The following ARHGAP10 variants were observed in gnomAD, a reference collection of about 807,000 sequenced individuals.
ARHGAP10 encodes the protein rho GTPase-activating protein 10.
Under a neutral mutation model 108.6 loss-of-function variants are expected in ARHGAP10, and 87 were observed. The ratio of observed to expected loss-of-function variants is 0.80; its 90% CI spans 0.67 to 0.96. The LOEUF is 0.96. Among genes scored for constraint, ARHGAP10 ranks in the 40% least tolerant of loss-of-function variants. The pLI, the probability that ARHGAP10 is intolerant of heterozygous loss-of-function variation, is 0.00. For synonymous variants in ARHGAP10, 347 were observed against 341.1 expected, an observed-to-expected ratio of 1.02 and a Z score of -0.19; for missense variants, 939 against 954.5, an observed-to-expected ratio of 0.98 and a Z score of 0.21.
chr4:148,026,689 AG>A (rs920700571), intron 19 of ARHGAP10, among the ~76,000 whole-genome samples: 3 of 152,168 alleles, frequency 2.0e-5, no homozygotes, highest in African/African-American at 7.2e-5. Context: ...AATCTTTGTG[AG>A]ATTCTCATCT....
At chr4:147,985,084 C>T (rs1441950661) in intron 18 of ARHGAP10, among the ~76,000 whole-genome samples, 2 of 151,926 alleles carry the variant, frequency 1.3e-5, no homozygotes, top group Non-Finnish European at 2.9e-5. Context: ...TAATCTCATC[C>T]AGGAGAGTGG....
chr4:147,864,813 C>T (rs758445263), intron 5 of ARHGAP10, 33 bp from the exon 6 acceptor site: 3 of 1,591,174 alleles, frequency 1.9e-6, no homozygotes, highest in African/African-American at 2.7e-5. Flanking sequence ...TTCACCATCT[C>T]CAGTTTGACT....
At chr4:147,948,943 G>GTGAC in intron 15 of ARHGAP10, among the ~76,000 whole-genome samples, 2 of 149,432 alleles carry the variant, frequency 1.3e-5, no homozygotes, top group African/African-American at 2.5e-5. Flanking sequence ...TCCAGCCTAG[G>GTGAC]AGACAGAGCG....
At chr4:148,025,783 TGAA>T (rs747071041) in intron 19 of ARHGAP10, among the ~76,000 whole-genome samples, 46 of 152,190 alleles carry the variant, frequency 3.0e-4, no homozygotes, top group Non-Finnish European at 6.0e-4. Flanking sequence ...CAAAACGACT[TGAA>T]GGTTTCAAAA....
intron 1 of ARHGAP10, among the ~76,000 whole-genome samples, chr4:147,795,098 T>A (rs958539215): frequency 6.6e-6 from 1 of 152,188 alleles, no homozygotes; most frequent in African/African-American, 2.4e-5. Context: ...GTTTTTTTCC[T>A]TAGAGACAGG....
chr4:147,875,504 C>T (rs1279636340), intron 8 of ARHGAP10, among the ~76,000 whole-genome samples: 1 of 152,022 alleles, frequency 6.6e-6, no homozygotes, highest in Non-Finnish European at 1.5e-5. Flanking sequence ...TTTCTCCTTC[C>T]CCCTCACCTC....
At chr4:147,818,061 G>A (rs1476684708) in intron 1 of ARHGAP10, among the ~76,000 whole-genome samples, 1 of 152,014 alleles carries the variant, frequency 6.6e-6, no homozygotes, top group Non-Finnish European at 1.5e-5. Context: ...CCAGGGAGTT[G>A]ATCCTTTGCC....
At chr4:147,809,486 A>G (rs1731924741) in intron 1 of ARHGAP10, among the ~76,000 whole-genome samples, 1 of 152,148 alleles carries the variant, frequency 6.6e-6, no homozygotes, top group African/African-American at 2.4e-5. Context: ...CTTCACTGCA[A>G]TTCAACATGT....
At chr4:148,043,978 G>A (rs1469065043) in intron 19 of ARHGAP10, among the ~76,000 whole-genome samples, 1 of 151,824 alleles carries the variant, frequency 6.6e-6, no homozygotes, top group African/African-American at 2.4e-5. Context: ...CTCTCAAGTA[G>A]GTAAGCTCAT....
chr4:147,823,682 A>G (rs977370479), intron 3 of ARHGAP10, among the ~76,000 whole-genome samples: 5 of 152,042 alleles, frequency 3.3e-5, no homozygotes, highest in Admixed American at 3.3e-4. Flanking sequence ...ACTTGTGCCC[A>G]GGAGGCTGAG....
chr4:147,895,641 G>A (rs371000989), intron 10 of ARHGAP10, among the ~76,000 whole-genome samples: 4 of 150,900 alleles, frequency 2.7e-5, no homozygotes, highest in East Asian at 1.9e-4. Flanking sequence ...AGCCATAATC[G>A]TGTCACTGTA....
intron 13 of ARHGAP10, among the ~76,000 whole-genome samples, chr4:147,935,670 GC>G (rs1244639224): frequency 6.6e-6 from 1 of 152,128 alleles, no homozygotes; most frequent in Non-Finnish European, 1.5e-5. Flanking sequence ...TGTATTTGAT[GC>G]CTTTTATATG....
intron 18 of ARHGAP10, among the ~76,000 whole-genome samples, chr4:147,985,899 T>C (rs1740027235): frequency 6.6e-6 from 1 of 152,186 alleles, no homozygotes; most frequent in Non-Finnish European, 1.5e-5. Context: ...CTCTGCCTCT[T>C]ATGTATTGAG....
At chr4:148,027,240 T>G (rs1181141817) in intron 19 of ARHGAP10, among the ~76,000 whole-genome samples, 1 of 152,256 alleles carries the variant, frequency 6.6e-6, no homozygotes, top group Non-Finnish European at 1.5e-5. Flanking sequence ...TTAAGTATTC[T>G]TTGCCTGTCT....
chr4:147,738,088 A>G (rs1017005029), intron 1 of ARHGAP10, among the ~76,000 whole-genome samples: 1 of 150,304 alleles, frequency 6.7e-6, no homozygotes, highest in South Asian at 2.1e-4. Flanking sequence ...AGAGGAGGGT[A>G]TTTTTGTGTT....
chr4:148,042,269 A>G (rs973150346), intron 19 of ARHGAP10, among the ~76,000 whole-genome samples: 6 of 152,208 alleles, frequency 3.9e-5, no homozygotes, highest in Non-Finnish European at 1.5e-5. Flanking sequence ...AATGACTGTC[A>G]TAACTGAATA....
chr4:147,745,992 G>C (rs1209118654), intron 1 of ARHGAP10, among the ~76,000 whole-genome samples: 3 of 151,250 alleles, frequency 2.0e-5, no homozygotes, highest in African/African-American at 2.4e-5. Context: ...GTTTCACCAT[G>C]TTGGTCAGGC....
chr4:147,896,923 T>C (rs1736015577), intron 10 of ARHGAP10, among the ~76,000 whole-genome samples: 2 of 152,190 alleles, frequency 1.3e-5, no homozygotes, highest in Admixed American at 6.5e-5. Flanking sequence ...TTGCTTTTTT[T>C]CTACTTAAGT....
intron 3 of ARHGAP10, among the ~76,000 whole-genome samples, chr4:147,836,065 T>C (rs1733158587): frequency 6.6e-6 from 1 of 152,246 alleles, no homozygotes; most frequent in African/African-American, 2.4e-5. Context: ...ACAGGTAGAT[T>C]GTGTTTGATT....
Sources: gnomAD v4.1 joint callset for allele counts (sites outside exome capture counted in the v4.1 genomes callset) on GRCh38, gnomAD v4.1.1 for gene constraint, MANE v1.5 for transcripts, NCBI Gene and HGNC (gene_info 2026-07-23, HGNC 2026-07-21) for gene names.